Variants in PCDHA2 observed in about 807,000 individuals in gnomAD.
PCDHA2 encodes the protein protocadherin alpha 2, also known as protocadherin alpha-2.
PCDHA2 carries 58 observed loss-of-function variants against 66.0 expected under a neutral mutation model. The ratio of observed to expected loss-of-function variants is 0.88; its 90% CI spans 0.71 to 1.09. PCDHA2 has a LOEUF of 1.09. PCDHA2 is among the 50% of genes least tolerant of loss of function. PCDHA2 has a pLI of 0.00. For synonymous variants in PCDHA2, 634 were observed against 554.0 expected (o/e 1.14, Z -2.03); for missense variants, 1,267 against 1,242.3 (o/e 1.02, Z -0.30).
chr5:141,010,074 G>T lies in PCDHA2; in HGVS notation c.*137G>T, dbSNP rs1444826216. The stretch of plus-strand genomic sequence containing the variant: ...CTCAGAAATCTGCAGAAAGTTCCCT[G>T]TGTCTGTCTAGAACGCATTTAACAG... On this transcript the variant is annotated 3_prime_UTR_variant, in exon 4 of 4. Coordinates refer to ENST00000526136, the MANE Select transcript of PCDHA2 (RefSeq NM_018905.3). 6.8e-6 allele frequency: 11 copies of T among 1,607,726 alleles called. No individual in the cohort carries two copies. Among genetic ancestry groups the T allele is most frequent in the Non-Finnish European group, 9.3e-6 (11 of 1,176,762 alleles).
chr5:140,955,998 G>A (rs1194688184), intron 1 of PCDHA2, among the ~76,000 whole-genome samples: 1 of 152,174 alleles, frequency 6.6e-6, no homozygotes, highest in Non-Finnish European at 1.5e-5. Context: ...CATTGATTTT[G>A]TATCCTGAGA....
In PCDHA2 at chr5:140,928,040, GC is replaced by G. The variant is rs782389793; in HGVS notation, c.2389-50906del. The G allele has an allele frequency of 2.1e-4, 337 of 1,614,060 alleles. 1 individual carries two copies. Among genetic ancestry groups the G allele is most frequent in the Non-Finnish European group, 2.6e-4 (309 of 1,180,038 alleles). ...GTCATTTGTGGCATGTCTAGTGCAG[GC>G]CCTTTTCAGCTGACGGCTTCCTTTG... is the stretch of plus-strand genomic sequence containing the variant. On this transcript the variant is annotated intron_variant, in intron 1 of 3. Coordinates refer to ENST00000526136, the MANE Select transcript of PCDHA2 (RefSeq NM_018905.3).
At chr5:140,828,136 C>A (rs936364862) in intron 1 of PCDHA2, 3 of 1,613,852 alleles carry the variant, frequency 1.9e-6, no homozygotes, top group Non-Finnish European at 2.5e-6. Context: ...AATGTCTGCT[C>A]CTCCCGCTTC....
At chr5:140,879,740 T>C (rs1337276853) in intron 1 of PCDHA2, among the ~76,000 whole-genome samples, 5 of 152,200 alleles carry the variant, frequency 3.3e-5, no homozygotes, top group Admixed American at 1.3e-4. Flanking sequence ...ATCAAGGTGT[T>C]GTCAAGGCTA....
intron 1 of PCDHA2, among the ~76,000 whole-genome samples, chr5:140,971,471 G>A (rs1274091500): frequency 1.3e-5 from 2 of 152,172 alleles, no homozygotes; most frequent in African/African-American, 4.8e-5. Context: ...TATAGGGAGA[G>A]AGTGTCACAT....
chr5:140,823,807 T>A (rs1767879347), intron 1 of PCDHA2: 2 of 1,613,664 alleles, frequency 1.2e-6, no homozygotes, highest in Non-Finnish European at 1.7e-6. Flanking sequence ...GCCGAAGGCC[T>A]CATCGCGGGC....
At position 140,795,596 on chromosome 5, in the gene PCDHA2, T is replaced by A. The variant is rs1562153969; in HGVS notation, c.632T>A (p.Leu211Ter). Reference sequence around the variant, plus strand: ...GAGGAAACTGCTGAGGTTAATTTGTTACTGGTGGCTACTGATGGGGGCAAA... The same window carrying A: ...GAGGAAACTGCTGAGGTTAATTTGTAACTGGTGGCTACTGATGGGGGCAAA... Reference protein sequence around the residue: ...DREETAEVNLLLVATDGGKPE... With the variant: ...DREETAEVNL Residue 211 changes from leucine to a stop codon, truncating the protein, a stop_gained, in exon 1 of 4, where the codon TTA becomes TAA. Transcript: ENST00000526136. LOFTEE classifies it high-confidence loss of function. 1.8e-5 allele frequency: 29 copies of A among 1,614,170 alleles called. No individual in the cohort carries two copies. Among genetic ancestry groups the A allele is most frequent in the Non-Finnish European group, 2.3e-5 (27 of 1,180,034 alleles).
rs1554263423 is a variant in PCDHA2 at position 141,011,323 on chromosome 5, C to T, written c.*1386C>T. 1 of 153,686 alleles carries T rather than the reference C, an allele frequency of 6.5e-6. No individual in the cohort carries two copies. The highest frequency in any genetic ancestry group is 1.5e-5 in the Non-Finnish European group (1 of 68,036). The allele number at this position is 153,686 out of a possible 1,614,324, so 9.5% of individuals were successfully genotyped here. A position where few individuals can be genotyped will look rare whatever the true frequency, so the allele number is the denominator to read the frequency against. ...TCTGAATTGCTAATCTTACTAACACCTATGATGTTACCTGAAATCAATCTC... is the reference window on the plus strand; with the variant it reads ...TCTGAATTGCTAATCTTACTAACACTTATGATGTTACCTGAAATCAATCTC... On this transcript the variant is annotated 3_prime_UTR_variant, in exon 4 of 4. Transcript: ENST00000526136.
At chr5:141,007,716 G>A (rs887681362) in intron 3 of PCDHA2, among the ~76,000 whole-genome samples, 4 of 152,246 alleles carry the variant, frequency 2.6e-5, no homozygotes, top group African/African-American at 4.8e-5. Context: ...CCCACCACCA[G>A]GGAGAACAAA....
chr5:140,863,494 C>T (rs1203332871), intron 1 of PCDHA2: 2 of 442,624 alleles, frequency 4.5e-6, no homozygotes, highest in East Asian at 6.0e-5. Context: ...GTCAACATTA[C>T]GGCTTTTAGT....
Position 140,797,107 on chromosome 5 carries a change from G to T in PCDHA2, c.2143G>T (p.Val715Leu). 6.2e-7 allele frequency: 1 copy of T among 1,614,036 alleles called. No individual in the cohort carries two copies. The highest frequency in any genetic ancestry group is 8.5e-7 in the Non-Finnish European group (1 of 1,179,970). The change falls in exon 1 of 4, where the codon GTG becomes TTG. Residue 715 changes from valine (V) to leucine (L), a missense_variant. Transcript: ENST00000526136. Reference protein sequence around the residue: ...CAVSSLLVLTVLLYTALRCSV... With the variant: ...CAVSSLLVLTLLLYTALRCSV... ...GGTATCCAGCCTGTTGGTGCTCACG[G>T]TGCTGCTGTACACTGCGCTGCGGTG...
rs781814958 is a variant in PCDHA2 at position 140,869,604 on chromosome 5, A to G, written c.2388+72252A>G. On this transcript the variant is annotated intron_variant, in intron 1 of 3. Transcript: ENST00000526136. ...ATGCTGACATTGAAGAGAATGCTCTATTGACCTACAGGCTAAGTAAAAATG... is the reference window on the plus strand; with the variant it reads ...ATGCTGACATTGAAGAGAATGCTCTGTTGACCTACAGGCTAAGTAAAAATG... 5 of 1,613,944 alleles carry G rather than the reference A, an allele frequency of 3.1e-6. No individual in the cohort carries two copies. In the African/African-American group the frequency reaches 4.0e-5, roughly 13 times the overall value.
intron 1 of PCDHA2, among the ~76,000 whole-genome samples, chr5:140,908,451 A>T (rs2073980523): frequency 6.6e-6 from 1 of 152,170 alleles, no homozygotes; most frequent in African/African-American, 2.4e-5. Context: ...TTATGGCTAG[A>T]TGGATCAGAA....
chr5:140,852,121 TA>T, intron 1 of PCDHA2: 1 of 901,518 alleles, frequency 1.1e-6, no homozygotes, highest in Non-Finnish European at 1.4e-6. Context: ...ATGACCTAAT[TA>T]AAAACTCAGT....
rs782432943 is a variant in PCDHA2, at chr5:140,795,329, A to G, written c.365A>G (p.Glu122Gly). Residue 122 changes from glutamate (E) to glycine (G), a missense_variant, in exon 1 of 4, where the codon GAG (glutamate) becomes GGG (glycine). Coordinates refer to ENST00000526136, the MANE Select transcript of PCDHA2 (RefSeq NM_018905.3). ...RPLQVFHVEV[E>G]VKDINDNPPI... The stretch of plus-strand genomic sequence containing the variant: ...CTGCAGGTTTTCCATGTGGAAGTGG[A>G]GGTGAAGGACATTAACGACAACCCG... The G allele has an allele frequency of 4.3e-6, 7 of 1,614,144 alleles. No individual in the cohort carries two copies. The highest frequency in any genetic ancestry group is 5.9e-6 in the Non-Finnish European group (7 of 1,180,020).
At chr5:140,966,899 C>T in intron 1 of PCDHA2, 2 of 1,598,372 alleles carry the variant, frequency 1.3e-6, no homozygotes, top group African/African-American at 1.3e-5. Context: ...CTCCCAGCTG[C>T]GATACTCTGT....
chr5:140,836,509 G>C, intron 1 of PCDHA2: 1 of 1,613,894 alleles, frequency 6.2e-7, no homozygotes, highest in Non-Finnish European at 8.5e-7. Context: ...GCGGTGTCCA[G>C]TCTGTTGGTG....
At chr5:140,975,363 G>T (rs1348174294) in intron 1 of PCDHA2, among the ~76,000 whole-genome samples, 3 of 152,220 alleles carry the variant, frequency 2.0e-5, no homozygotes, top group Non-Finnish European at 2.9e-5. Context: ...GTGCTACATA[G>T]CATAATGTAA....
At chr5:140,862,329 T>C (rs1305735393) in intron 1 of PCDHA2, 1 of 327,554 alleles carries the variant, frequency 3.1e-6, no homozygotes, top group Non-Finnish European at 6.0e-6. Context: ...ATCAGTGTAA[T>C]TGACCCTAAC....
Sources: gnomAD v4.1 joint callset for allele counts (sites outside exome capture counted in the v4.1 genomes callset) on GRCh38, gnomAD v4.1.1 for gene constraint, MANE v1.5 for transcripts, NCBI Gene and HGNC (gene_info 2026-07-23, HGNC 2026-07-21) for gene names.